SEPTIN7: variants seen among roughly 807,000 people sequenced by gnomAD.
SEPTIN7 encodes septin-7.
SEPTIN7 carries 10 observed loss-of-function variants against 63.3 expected under a neutral mutation model. The observed-to-expected ratio is 0.16, with a 90% CI of 0.10 to 0.27. The LOEUF is 0.27. Among genes scored for constraint, SEPTIN7 ranks in the 10% least tolerant of loss-of-function variants. SEPTIN7 has a pLI of 1.00. For synonymous variants in SEPTIN7, 131 were observed against 165.3 expected, an observed-to-expected ratio of 0.79 and a Z score of 1.59; for missense variants, 310 against 521.0, an observed-to-expected ratio of 0.59 and a Z score of 3.94.
chr7:35,891,077 T>G (rs1424448513), intron 11 of SEPTIN7, among the ~76,000 whole-genome samples: 3 of 152,240 alleles, frequency 2.0e-5, no homozygotes, highest in African/African-American at 7.2e-5. Context: ...TCTATTCCTA[T>G]TCCAGGGAGT....
intron 4 of SEPTIN7, among the ~76,000 whole-genome samples, chr7:35,870,743 C>T (rs541258866): frequency 2.1e-4 from 31 of 150,314 alleles, no homozygotes; most frequent in African/African-American, 6.4e-4. Context: ...ATGGGAAGAT[C>T]GCTTGAACCC....
chr7:35,801,285 C>T lies in SEPTIN7; in HGVS notation c.61+15C>T. 7.3e-7 allele frequency: 1 copy of T among 1,371,936 alleles called. No homozygotes were observed. Among genetic ancestry groups the T allele is most frequent in the Non-Finnish European group, 9.4e-7 (1 of 1,068,564 alleles). The allele number at this position is 1,371,936 out of a possible 1,614,324, so 85.0% of individuals were successfully genotyped here. On this transcript the variant is annotated intron_variant, in intron 1 of 13. Coordinates refer to ENST00000350320, the MANE Select transcript of SEPTIN7 (RefSeq NM_001788.6). ...CAGCACCATGGGTGAGTCTCAGCTT[C>T]GGGTGCCGCGACTTGGGGTCAGCGG...
intron 10 of SEPTIN7, chr7:35,888,729 A>T (rs1436703389): frequency 2.0e-5 from 4 of 201,582 alleles, no homozygotes; most frequent in Admixed American, 5.5e-5. Flanking sequence ...CTGAGGTGGG[A>T]GGATGGTTTG....
intron 6 of SEPTIN7, chr7:35,873,983 C>T: frequency 2.2e-6 from 1 of 463,732 alleles, no homozygotes; most frequent in Non-Finnish European, 3.8e-6. Context: ...GTTCTTCATT[C>T]ATAAGGATTT....
chr7:35,879,781 CA>C (rs1218896091), intron 6 of SEPTIN7, 41 bp from the exon 7 acceptor site: 1 of 1,116,594 alleles, frequency 9.0e-7, no homozygotes, highest in Non-Finnish European at 1.3e-6. Context: ...CTTGTTCTCC[CA>C]AACTGATCAA....
At chr7:35,897,737 G>GCT (rs1788037878) in intron 11 of SEPTIN7, among the ~76,000 whole-genome samples, 1 of 152,086 alleles carries the variant, frequency 6.6e-6, no homozygotes. Context: ...CCTAAATAGT[G>GCT]CTCTAGGTAT....
At chr7:35,815,983 A>T (rs1055535897) in intron 1 of SEPTIN7, among the ~76,000 whole-genome samples, 1 of 151,960 alleles carries the variant, frequency 6.6e-6, no homozygotes, top group African/African-American at 2.4e-5. Flanking sequence ...TTTTGTGAGT[A>T]TTTTTTTGCG....
chr7:35,818,730 T>C (rs1019787415), intron 1 of SEPTIN7, among the ~76,000 whole-genome samples: 3 of 152,062 alleles, frequency 2.0e-5, no homozygotes, highest in African/African-American at 7.2e-5. Flanking sequence ...TTGCATTTCC[T>C]CTAGGTTATA....
chr7:35,882,654 A>G (rs1786960847), intron 8 of SEPTIN7, 78 bp downstream of exon 8: 1 of 1,206,468 alleles, frequency 8.3e-7, no homozygotes, highest in Non-Finnish European at 1.1e-6. Context: ...GAAAGATCAA[A>G]AGTATCAGTG....
intron 8 of SEPTIN7, among the ~76,000 whole-genome samples, chr7:35,882,959 TAGG>T (rs960058139): frequency 1.3e-5 from 2 of 152,024 alleles, no homozygotes; most frequent in Admixed American, 6.6e-5. Context: ...TACAGCTAGA[TAGG>T]AGGAGTAAGT....
intron 4 of SEPTIN7, among the ~76,000 whole-genome samples, chr7:35,868,933 A>G (rs1785978040): frequency 6.6e-6 from 1 of 152,178 alleles, no homozygotes. Flanking sequence ...GAGGTACTTC[A>G]CTGAGCATTG....
chr7:35,898,157 C>A, intron 11 of SEPTIN7, 91 bp from the exon 12 acceptor site: 1 of 868,370 alleles, frequency 1.2e-6, no homozygotes, highest in Non-Finnish European at 1.7e-6. Flanking sequence ...TGACATATAG[C>A]ATCTGATTTG....
At chr7:35,912,222 C>T in the SEPTIN7 span, among the ~76,000 whole-genome samples, 4 of 152,210 alleles carry the variant, frequency 2.6e-5, no homozygotes, top group African/African-American at 4.8e-5. Flanking sequence ...ATAACGCCCA[C>T]GCTGGAAGGT....
At chr7:35,853,875 T>G (rs1785074834) in intron 3 of SEPTIN7, among the ~76,000 whole-genome samples, 1 of 152,304 alleles carries the variant, frequency 6.6e-6, no homozygotes, top group Non-Finnish European at 1.5e-5. Context: ...TAGAACATAC[T>G]GCCTGGTGTC....
intron 1 of SEPTIN7, 40 bp downstream of exon 1, chr7:35,801,310 G>T: frequency 1.3e-6 from 2 of 1,514,692 alleles, no homozygotes; most frequent in Non-Finnish European, 1.8e-6. Context: ...GGGGTCAGCG[G>T]CTCCGAATGC....
chr7:35,898,156 G>A (rs1351736107), intron 11 of SEPTIN7, 92 bp from the exon 12 acceptor site: 22 of 863,090 alleles, frequency 2.5e-5, no homozygotes, highest in South Asian at 5.7e-5. Flanking sequence ...GTGACATATA[G>A]CATCTGATTT....
chr7:35,860,992 C>T (rs1785475563), intron 3 of SEPTIN7, among the ~76,000 whole-genome samples: 1 of 152,030 alleles, frequency 6.6e-6, no homozygotes, highest in Admixed American at 6.5e-5. Flanking sequence ...ATCTCTTGGG[C>T]TCTGTTTAAT....
At chr7:35,821,344 A>G (rs1200273103) in intron 1 of SEPTIN7, among the ~76,000 whole-genome samples, 4 of 152,158 alleles carry the variant, frequency 2.6e-5, no homozygotes, top group South Asian at 2.1e-4. Context: ...TATTTACTCC[A>G]CCAATTTCTT....
At chr7:35,827,650 C>G (rs1034324558) in intron 1 of SEPTIN7, among the ~76,000 whole-genome samples, 2 of 151,976 alleles carry the variant, frequency 1.3e-5, no homozygotes, top group African/African-American at 2.4e-5. Flanking sequence ...GCCACTATGC[C>G]CAGCTAATTT....
Sources: gnomAD v4.1 joint callset for allele counts (sites outside exome capture counted in the v4.1 genomes callset) on GRCh38, gnomAD v4.1.1 for gene constraint, MANE v1.5 for transcripts, NCBI Gene and HGNC (gene_info 2026-07-23, HGNC 2026-07-21) for gene names.